SORCS1: variants seen among roughly 807,000 people sequenced by gnomAD.
The protein encoded by SORCS1 is sortilin related VPS10 domain containing receptor 1.
In SORCS1, 60 loss-of-function variants were observed where a neutral mutation model predicts 146.1. The ratio of observed to expected loss-of-function variants is 0.41; its 90% confidence interval spans 0.33 to 0.51. The LOEUF is 0.51. SORCS1 is among the 20% of genes least tolerant of loss of function. The pLI is 0.21. For synonymous variants in SORCS1, 637 were observed against 584.0 expected, an observed-to-expected ratio of 1.09 and a Z score of -1.31; for missense variants, 1,352 against 1,487.6, an observed-to-expected ratio of 0.91 and a Z score of 1.50.
At chr10:106,583,315 T>C (rs1485857212) in intron 24 of SORCS1, among the ~76,000 whole-genome samples, 1 of 152,208 alleles carries the variant, frequency 6.6e-6, no homozygotes, top group Non-Finnish European at 1.5e-5. Context: ...ATTCCCCATA[T>C]GGAGATTCAC....
rs148780215 is a variant in SORCS1, at chr10:107,062,487, C to T, written c.558+101482G>A. On this transcript the variant is annotated intron_variant, in intron 1 of 25. Transcript: ENST00000263054. ...AAGGCACCTTTTTAATTAAAATACTCATGAAAACAGAAGGAGATGTAATGT... is the reference window on the plus strand; with the variant it reads ...AAGGCACCTTTTTAATTAAAATACTTATGAAAACAGAAGGAGATGTAATGT... Among the ~76,000 whole-genome samples the T allele has an allele frequency of 1.2e-3, 181 of 151,990 alleles. 1 individual carries two copies. Among genetic ancestry groups the T allele is most frequent in the African/African-American group, 3.6e-3 (149 of 41,466 alleles).
At position 106,607,159 on chromosome 10, in the gene SORCS1, G is replaced by C; in HGVS notation, c.3165+7C>G. The stretch of plus-strand genomic sequence containing the variant: ...GCTGAAAACGTCTCCTTTTCCAGGG[G>C]ACTCACCTGCTCCAGGTCATCAGTT... On this transcript the variant is annotated splice_region_variant and intron_variant, in intron 23 of 25. Transcript: ENST00000263054. 1 of 1,613,594 alleles carries C rather than the reference G, an allele frequency of 6.2e-7. No homozygotes were observed. The highest frequency in any genetic ancestry group is 8.5e-7 in the Non-Finnish European group (1 of 1,179,788).
intron 1 of SORCS1, among the ~76,000 whole-genome samples, chr10:107,105,046 G>T (rs1158864159): frequency 6.6e-6 from 1 of 152,202 alleles, no homozygotes; most frequent in Non-Finnish European, 1.5e-5. Context: ...TTTGAAAAGT[G>T]CACGAAAATT....
intron 3 of SORCS1, among the ~76,000 whole-genome samples, chr10:106,798,666 T>C (rs1946714872): frequency 6.6e-6 from 1 of 152,218 alleles, no homozygotes. Context: ...ATGTGCCACA[T>C]TTTCTTAATC....
chr10:107,164,036 G>C lies in SORCS1; in HGVS notation c.491C>G (p.Thr164Arg), dbSNP rs1431529422. 4 of 1,613,944 alleles carry C rather than the reference G, an allele frequency of 2.5e-6. No individual in the cohort carries two copies. Among genetic ancestry groups the C allele is most frequent in the Admixed American group, 1.7e-5 (1 of 60,006 alleles). The change falls in exon 1 of 26, where the codon ACG becomes AGG. Residue 164 changes from threonine to arginine, a missense_variant. Thr to Arg is a moderately conservative substitution (Grantham distance 71). Coordinates refer to ENST00000263054, the MANE Select transcript of SORCS1 (RefSeq NM_052918.5). This position sits in a 1 kb window ranked among gnomAD's most constrained non-coding sequence, Gnocchi z 6.8. Reference protein sequence around the residue: ...RMEELRLTSTTFALTGDSAHN... With the variant: ...RMEELRLTSTRFALTGDSAHN... ...TGCTGAGTCTCCCGTCAGCGCAAAC[G>C]TGGTGCTGGTCAGTCTCAGCTCCTC...
intron 1 of SORCS1, among the ~76,000 whole-genome samples, chr10:107,158,331 A>C (rs1969448879): frequency 6.6e-6 from 1 of 152,242 alleles, no homozygotes; most frequent in Non-Finnish European, 1.5e-5. Context: ...CTTTCGTTAA[A>C]CATAGTTTTT....
At position 106,760,710 on chromosome 10, in the gene SORCS1, AAC is replaced by A. The variant is rs58948425; in HGVS notation, c.959+876_959+877del. On this transcript the variant is annotated intron_variant, in intron 5 of 25. Coordinates refer to ENST00000263054, the MANE Select transcript of SORCS1 (RefSeq NM_052918.5). ...ATACACACAAACACACACACACACT[AAC>A]ACACACACACACACACACACACACG... is the stretch of plus-strand genomic sequence containing the variant. Among the ~76,000 whole-genome samples the A allele has an allele frequency of 9.3e-3, 1,380 of 148,360 alleles. 18 individuals carry two copies. The highest frequency in any genetic ancestry group is 0.013 in the Non-Finnish European group (884 of 66,676).
rs985283352 is a variant in SORCS1, at chr10:106,574,537, T to A, written c.*2883A>T. The A allele has an allele frequency of 1.3e-5, 2 of 152,592 alleles. No individual in the cohort carries two copies. The highest frequency in any genetic ancestry group is 2.4e-5 in the African/African-American group (1 of 41,424). 9.5% of individuals were successfully genotyped at this position (152,592 alleles called of 1,614,324 possible). ...GTACAATGGTTCTCAAACTTTAGTA[T>A]GTATCACAATCACTGGGAGGGCTTG... On this transcript the variant is annotated 3_prime_UTR_variant, in exon 26 of 26. Coordinates refer to ENST00000263054, the MANE Select transcript of SORCS1 (RefSeq NM_052918.5).
intron 1 of SORCS1, among the ~76,000 whole-genome samples, chr10:107,007,084 T>A (rs1393526223): frequency 3.3e-5 from 5 of 152,360 alleles, no homozygotes; most frequent in Non-Finnish European, 5.9e-5. Flanking sequence ...TTAGTTTTTG[T>A]GTTAACCTTG....
chr10:106,851,089 G>A (rs1227734627), intron 2 of SORCS1, among the ~76,000 whole-genome samples: 1 of 152,104 alleles, frequency 6.6e-6, no homozygotes, highest in Non-Finnish European at 1.5e-5. Context: ...GAATTTCTTT[G>A]TATATTGTAT....
At chr10:107,149,280 T>C (rs1298387232) in intron 1 of SORCS1, among the ~76,000 whole-genome samples, 1 of 152,226 alleles carries the variant, frequency 6.6e-6, no homozygotes, top group Non-Finnish European at 1.5e-5. Flanking sequence ...GACATTTCCA[T>C]GTATTTAGCG....
chr10:106,901,379 G>A (rs1951693138), intron 2 of SORCS1, among the ~76,000 whole-genome samples: 1 of 152,196 alleles, frequency 6.6e-6, no homozygotes, highest in Admixed American at 6.5e-5. Context: ...AAATAATGGA[G>A]AGGAAAACAC....
intron 1 of SORCS1, among the ~76,000 whole-genome samples, chr10:107,041,266 G>C (rs1465308117): frequency 1.3e-5 from 2 of 152,014 alleles, no homozygotes; most frequent in Admixed American, 6.6e-5. Context: ...TGGAAACAGG[G>C]TCTCTCTTGC....
At chr10:107,143,334 GT>G (rs1182974926) in intron 1 of SORCS1, among the ~76,000 whole-genome samples, 4 of 152,050 alleles carry the variant, frequency 2.6e-5, no homozygotes, top group African/African-American at 9.6e-5. Flanking sequence ...TTGTTTTGTT[GT>G]TTTTGTTTTT....
chr10:106,985,229 T>G (rs1255790108), intron 1 of SORCS1, among the ~76,000 whole-genome samples: 1 of 152,048 alleles, frequency 6.6e-6, no homozygotes, highest in East Asian at 1.9e-4. Context: ...TAAAATAGGG[T>G]GAGCAAATCA....
intron 1 of SORCS1, among the ~76,000 whole-genome samples, chr10:107,134,379 C>T (rs1404938338): frequency 6.6e-6 from 1 of 152,192 alleles, no homozygotes; most frequent in Non-Finnish European, 1.5e-5. Flanking sequence ...TGGCTCAAGC[C>T]TGTAATCCCA....
intron 4 of SORCS1, among the ~76,000 whole-genome samples, chr10:106,764,119 A>C (rs1489427195): frequency 6.6e-6 from 1 of 152,228 alleles, no homozygotes; most frequent in Non-Finnish European, 1.5e-5. Context: ...CCTAAAAAAC[A>C]AATAAAACAC....
At chr10:106,859,803 C>T (rs1245012403) in intron 2 of SORCS1, among the ~76,000 whole-genome samples, 2 of 152,132 alleles carry the variant, frequency 1.3e-5, no homozygotes, top group East Asian at 1.9e-4. Context: ...TTATATGCTG[C>T]CATGTATTAC....
In SORCS1 at chr10:106,855,823, T is replaced by G. The variant is rs145692379; in HGVS notation, c.627-26150A>C. On this transcript the variant is annotated intron_variant, in intron 2 of 25. Transcript: ENST00000263054. ...AGCCCTTAGCATGTTGATCATACAT[T>G]TATAAAAATTATCGGTTTTTCTAAT... Among the ~76,000 whole-genome samples the G allele has an allele frequency of 5.7e-3, 869 of 152,300 alleles. 13 individuals are homozygous for G. The highest frequency in any genetic ancestry group is 0.02 in the African/African-American group (846 of 41,546).
Sources: gnomAD v4.1 joint callset for allele counts (sites outside exome capture counted in the v4.1 genomes callset) on GRCh38, gnomAD v4.1.1 for gene constraint, Gnocchi (gnomAD v3.1) non-coding constraint, MANE v1.5 for transcripts, NCBI Gene and HGNC (gene_info 2026-07-23, HGNC 2026-07-21) for gene names.